SETDB1: variants seen among roughly 807,000 people sequenced by gnomAD.
SETDB1 encodes the protein histone-lysine N-methyltransferase SETDB1.
SETDB1 carries 31 observed loss-of-function variants against 137.4 expected under a neutral mutation model. The observed-to-expected ratio is 0.23, with a 90% CI of 0.17 to 0.30. The LOEUF is 0.30. Ranked by LOEUF, SETDB1 falls within the 10% of genes least tolerant of loss-of-function variation. SETDB1 has a pLI of 1.00. For missense variants in SETDB1, 1,113 were observed against 1,631.5 expected (o/e 0.68, Z 5.47); for synonymous variants, 548 against 579.9 (o/e 0.95, Z 0.79).
intron 14 of SETDB1, among the ~76,000 whole-genome samples, chr1:150,951,746 A>C (rs1670495137): frequency 6.6e-6 from 1 of 152,238 alleles, no homozygotes; most frequent in East Asian, 1.9e-4. Flanking sequence ...TTTCATAGCT[A>C]AATGAATGTC....
At position 150,927,766 on chromosome 1, in the gene SETDB1, G is replaced by C; in HGVS notation, c.52G>C (p.Glu18Gln). ...IGLDAATATV[E>Q]SEEIAELQQA... ...TTTGGATGCAGCAACAGCTACAGTG[G>C]AGTCTGAAGAGATTGCAGAGCTGCA... is the stretch of plus-strand genomic sequence containing the variant. Residue 18 changes from glutamate (E) to glutamine (Q), a missense_variant, in exon 2 of 22, where the codon GAG (glutamate) becomes CAG (glutamine). Glu to Gln is a conservative substitution (Grantham distance 29). Coordinates refer to ENST00000692827, the MANE Select transcript of SETDB1 (RefSeq NM_001366418.1). 1.2e-6 allele frequency: 2 copies of C among 1,614,140 alleles called. No individual in the cohort carries two copies. Among genetic ancestry groups the C allele is most frequent in the Non-Finnish European group, 1.7e-6 (2 of 1,179,998 alleles).
At chr1:150,931,892 G>A (rs868080663) in intron 3 of SETDB1, among the ~76,000 whole-genome samples, 1 of 151,938 alleles carries the variant, frequency 6.6e-6, no homozygotes, top group Admixed American at 6.6e-5. Context: ...TTTTATCATA[G>A]CCTAATTGGA....
chr1:150,941,471 CTTACAGAGATT>C, intron 5 of SETDB1, 43 bp downstream of exon 5: 1 of 1,193,836 alleles, frequency 8.4e-7, no homozygotes, highest in South Asian at 1.2e-5. Context: ...GAGGTGAATT[CTTACAGAGATT>C]TTGTCTTAAG....
chr1:150,962,510 G>A, intron 17 of SETDB1, 77 bp from the exon 18 acceptor site: 1 of 1,444,492 alleles, frequency 6.9e-7, no homozygotes, highest in South Asian at 1.2e-5. Flanking sequence ...CTCCAAATCT[G>A]CCTTCTCTCA....
At position 150,950,950 on chromosome 1, in the gene SETDB1, A is replaced by G. The variant is rs201240943; in HGVS notation, c.2076A>G (p.Leu692=). 14 of 1,614,032 alleles carry G rather than the reference A, an allele frequency of 8.7e-6. No individual in the cohort carries two copies. In the Admixed American group the frequency reaches 1.8e-4, roughly 21 times the overall value. The part of the protein sequence containing the change: ...DITYGKEDVP[L]SCVNEIDTTP... ...CTTATGGGAAGGAAGATGTTCCCCTATCCTGTGTCAATGAGATTGACACAA... is the reference window on the plus strand; with the variant it reads ...CTTATGGGAAGGAAGATGTTCCCCTGTCCTGTGTCAATGAGATTGACACAA... Residue 692 remains leucine, a synonymous_variant, in exon 13 of 22, where the codon CTA becomes CTG. Coordinates refer to ENST00000692827, the MANE Select transcript of SETDB1 (RefSeq NM_001366418.1).
At chr1:150,958,628 A>G (rs937043895) in intron 14 of SETDB1, among the ~76,000 whole-genome samples, 4 of 152,152 alleles carry the variant, frequency 2.6e-5, no homozygotes, top group African/African-American at 9.7e-5. Context: ...TGAAAGAATG[A>G]AAATCAACTT....
At position 150,929,947 on chromosome 1, in the gene SETDB1, T is replaced by C; in HGVS notation, c.261-20T>C. 2 of 1,608,446 alleles carry C rather than the reference T, an allele frequency of 1.2e-6. No homozygotes were observed. The highest frequency in any genetic ancestry group is 1.7e-6 in the Non-Finnish European group (2 of 1,177,340). On this transcript the variant is annotated intron_variant, in intron 2 of 21. Coordinates refer to ENST00000692827, the MANE Select transcript of SETDB1 (RefSeq NM_001366418.1). ...TTCCTCTACTGGCTTTGACCTTTTC[T>C]GCATGTGTTCCAATATTAGGGCAGT...
chr1:150,962,232 A>C, intron 17 of SETDB1, 74 bp downstream of exon 17: 1 of 1,361,442 alleles, frequency 7.3e-7, no homozygotes, highest in East Asian at 2.3e-5. Flanking sequence ...GCAGTGGCGT[A>C]ATCTCAGCTC....
chr1:150,929,472 G>A (rs1375576993), intron 2 of SETDB1, among the ~76,000 whole-genome samples: 4 of 151,708 alleles, frequency 2.6e-5, no homozygotes, highest in Non-Finnish European at 5.9e-5. Context: ...TCCGCCTCCC[G>A]AGTTCAAGCA....
chr1:150,947,344 G>T (rs900472315), intron 10 of SETDB1, among the ~76,000 whole-genome samples: 1 of 151,256 alleles, frequency 6.6e-6, no homozygotes, highest in African/African-American at 2.4e-5. Flanking sequence ...TTTTTAAATA[G>T]ACCCGGGGCT....
intron 14 of SETDB1, among the ~76,000 whole-genome samples, chr1:150,952,535 G>A (rs1241241126): frequency 6.6e-6 from 1 of 152,102 alleles, no homozygotes; most frequent in African/African-American, 2.4e-5. Flanking sequence ...ATGGAAGACC[G>A]AAGGAGTAGT....
rs372705525 is a variant in SETDB1 at position 150,951,114 on chromosome 1, G to C, written c.2216+24G>C. The C allele has an allele frequency of 5.7e-6, 9 of 1,588,754 alleles. No individual in the cohort carries two copies. In the South Asian group the frequency reaches 1.0e-4, roughly 18 times the overall value. On this transcript the variant is annotated intron_variant, in intron 13 of 21. Coordinates refer to ENST00000692827, the MANE Select transcript of SETDB1 (RefSeq NM_001366418.1). ...AAGTGAGTTGGTGGGGGGAATTGCT[G>C]CCCCTGCTTCCAACTTTGTTATGGT...
chr1:150,962,483 C>G (rs1174275640), intron 17 of SETDB1, 104 bp from the exon 18 acceptor site: 2 of 1,136,812 alleles, frequency 1.8e-6, no homozygotes, highest in Non-Finnish European at 2.6e-6. Context: ...AGCCCAGTGC[C>G]TGTCTTTTTG....
chr1:150,931,726 C>CAGA (rs1669762434), intron 3 of SETDB1, among the ~76,000 whole-genome samples: 1 of 72,348 alleles, frequency 1.4e-5, no homozygotes, highest in Non-Finnish European at 2.7e-5. Context: ...CTGTCTCACC[C>CAGA]AAAAAAAAAA....
intron 10 of SETDB1, among the ~76,000 whole-genome samples, chr1:150,947,668 C>G (rs1376882839): frequency 1.3e-5 from 2 of 152,060 alleles, no homozygotes; most frequent in Non-Finnish European, 2.9e-5. Flanking sequence ...CCAGGCTACT[C>G]AAGAAGTTGA....
At position 150,929,464 on chromosome 1, in the gene SETDB1, C is replaced by T. The variant is rs372603700; in HGVS notation, c.261-503C>T. Among the ~76,000 whole-genome samples, 44 of 151,896 alleles carry T rather than the reference C, an allele frequency of 2.9e-4. 1 individual carries two copies. Among genetic ancestry groups the T allele is most frequent in the African/African-American group, 9.7e-4 (40 of 41,386 alleles). ...CGTGATCTCGGCTCACTGCAGCCTC[C>T]GCCTCCCGAGTTCAAGCAGCTCTCC... On this transcript the variant is annotated intron_variant, in intron 2 of 21. Coordinates refer to ENST00000692827, the MANE Select transcript of SETDB1 (RefSeq NM_001366418.1).
At chr1:150,933,001 T>C (rs1195024663) in intron 3 of SETDB1, among the ~76,000 whole-genome samples, 1 of 152,146 alleles carries the variant, frequency 6.6e-6, no homozygotes, top group Non-Finnish European at 1.5e-5. Flanking sequence ...TTTTAATTAA[T>C]TTTATTGTGT....
chr1:150,960,801 T>C lies in SETDB1; in HGVS notation c.2742T>C (p.Asp914=), dbSNP rs146691836. The C allele has an allele frequency of 6.2e-7, 1 of 1,608,708 alleles. No individual in the cohort carries two copies. Among genetic ancestry groups the C allele is most frequent in the African/African-American group, 1.3e-5 (1 of 74,792 alleles). The change falls in exon 16 of 22, where the codon GAT becomes GAC. Residue 914 remains aspartate (D), a synonymous_variant. Coordinates refer to ENST00000692827, the MANE Select transcript of SETDB1 (RefSeq NM_001366418.1). The part of the protein sequence containing the change: ...DDSSDDNFCK[D]EDFSTSSVWR... ...GCTCAGATGATAACTTCTGTAAGGATGAGGACTTCAGCACCAGTTCAGTGT... is the reference window on the plus strand; with the variant it reads ...GCTCAGATGATAACTTCTGTAAGGACGAGGACTTCAGCACCAGTTCAGTGT...
intron 9 of SETDB1, 28 bp downstream of exon 9, chr1:150,945,136 G>A: frequency 8.7e-6 from 14 of 1,613,634 alleles, no homozygotes; most frequent in Non-Finnish European, 1.2e-5. Flanking sequence ...AATTTTGGAG[G>A]CAGAGGTTGG....
Sources: allele counts gnomAD v4.1 joint callset (sites outside exome capture counted in the v4.1 genomes callset), GRCh38; gene constraint gnomAD v4.1.1; transcripts MANE v1.5; gene names NCBI Gene and HGNC (gene_info 2026-07-23, HGNC 2026-07-21).